The following IQCM variants were observed in gnomAD, a reference collection of about 807,000 sequenced individuals.
The protein encoded by IQCM is IQ domain-containing protein M.
In IQCM, 45 loss-of-function variants were observed where a neutral mutation model predicts 57.6. The ratio of observed to expected loss-of-function variants is 0.78; its 90% CI spans 0.62 to 1.00. The LOEUF (loss-of-function observed/expected upper bound fraction) is 1.00. Among genes scored for constraint, IQCM ranks in the 50% least tolerant of loss-of-function variants. The probability of loss-of-function intolerance (pLI) is 0.00; values close to 1 mark genes in which losing one functional copy is unlikely to be tolerated. For missense variants in IQCM, 468 were observed against 511.6 expected (o/e 0.91, Z 0.82); for synonymous variants, 148 against 158.9 (o/e 0.93, Z 0.51).
At chr4:149,399,087 C>T (rs902438393) in intron 13 of IQCM, among the ~76,000 whole-genome samples, 14 of 151,982 alleles carry the variant, frequency 9.2e-5, no homozygotes, top group African/African-American at 3.4e-4. Flanking sequence ...TTTGCTGTTA[C>T]AAATAATGAC....
chr4:149,493,856 G>A (rs1485413494), intron 12 of IQCM, among the ~76,000 whole-genome samples: 1 of 148,516 alleles, frequency 6.7e-6, no homozygotes, highest in African/African-American at 2.5e-5. Context: ...TAGTTGGGAG[G>A]ACTACAGGGA....
chr4:149,744,447 G>A (rs374497731), intron 2 of IQCM, among the ~76,000 whole-genome samples: 5 of 152,244 alleles, frequency 3.3e-5, no homozygotes, highest in South Asian at 4.1e-4. Flanking sequence ...TCTTCTCTGG[G>A]TCTGTTGGCT....
chr4:149,461,591 C>G (rs1433024924), intron 12 of IQCM, among the ~76,000 whole-genome samples: 1 of 149,592 alleles, frequency 6.7e-6, no homozygotes, highest in Non-Finnish European at 1.5e-5. Context: ...GAGGTCGAGG[C>G]TGCCATGAGC....
At chr4:149,659,684 A>C (rs1049409661) in intron 7 of IQCM, among the ~76,000 whole-genome samples, 2 of 152,194 alleles carry the variant, frequency 1.3e-5, no homozygotes, top group Admixed American at 1.3e-4. Flanking sequence ...CCGCATATCT[A>C]CAACTGTCTG....
intron 7 of IQCM, among the ~76,000 whole-genome samples, chr4:149,655,037 A>G (rs912884123): frequency 1.3e-5 from 2 of 152,162 alleles, no homozygotes; most frequent in Admixed American, 6.6e-5. Context: ...CTCACATTTC[A>G]TTTCTATTAT....
chr4:149,637,647 T>C (rs1394629374), intron 7 of IQCM, among the ~76,000 whole-genome samples: 1 of 152,178 alleles, frequency 6.6e-6, no homozygotes, highest in East Asian at 1.9e-4. Flanking sequence ...AGCTACAGTA[T>C]TAAGATAATA....
intron 5 of IQCM, among the ~76,000 whole-genome samples, chr4:149,723,687 G>C (rs1765642847): frequency 6.6e-6 from 1 of 151,954 alleles, no homozygotes; most frequent in African/African-American, 2.4e-5. Context: ...GATTCAGTTT[G>C]CTAGTGTTTT....
chr4:149,597,466 C>T (rs1753887672), intron 8 of IQCM, among the ~76,000 whole-genome samples: 1 of 152,146 alleles, frequency 6.6e-6, no homozygotes, highest in Non-Finnish European at 1.5e-5. Flanking sequence ...TCTCAGCTCA[C>T]TACAACCTCC....
chr4:149,477,628 G>A (rs928856574), intron 12 of IQCM, among the ~76,000 whole-genome samples: 1 of 152,154 alleles, frequency 6.6e-6, no homozygotes, highest in Non-Finnish European at 1.5e-5. Flanking sequence ...AATGGAGCAG[G>A]TATGTGTAAT....
intron 2 of IQCM, among the ~76,000 whole-genome samples, chr4:149,750,726 A>G (rs1484155175): frequency 1.3e-5 from 2 of 152,220 alleles, no homozygotes; most frequent in Non-Finnish European, 2.9e-5. Context: ...TATAAATAAC[A>G]ATAAAGAGAG....
chr4:149,462,370 T>A (rs972585900), intron 12 of IQCM, among the ~76,000 whole-genome samples: 12 of 152,134 alleles, frequency 7.9e-5, no homozygotes, highest in Non-Finnish European at 1.6e-4. Context: ...AAAATAATGA[T>A]AAATAACTAC....
At chr4:149,598,211 A>C (rs889560652) in intron 8 of IQCM, among the ~76,000 whole-genome samples, 10 of 152,214 alleles carry the variant, frequency 6.6e-5, no homozygotes, top group Admixed American at 6.5e-4. Flanking sequence ...ATAATTGGGA[A>C]GCATATAGAT....
At chr4:149,495,053 AG>A (rs756968298) in intron 12 of IQCM, among the ~76,000 whole-genome samples, 1 of 152,042 alleles carries the variant, frequency 6.6e-6, no homozygotes, top group Non-Finnish European at 1.5e-5. Context: ...AGTAAGAAAA[AG>A]GTAGAGATAA....
intron 9 of IQCM, among the ~76,000 whole-genome samples, chr4:149,586,441 C>A (rs1452780568): frequency 1.3e-5 from 2 of 151,666 alleles, no homozygotes; most frequent in Middle Eastern, 3.4e-3. Context: ...ATAGGATATA[C>A]AATTATGCCC....
At chr4:149,419,252 C>A (rs1733961870) in intron 13 of IQCM, among the ~76,000 whole-genome samples, 1 of 152,042 alleles carries the variant, frequency 6.6e-6, no homozygotes, top group Non-Finnish European at 1.5e-5. Flanking sequence ...TACCACAAAA[C>A]CACAATAACC....
At chr4:149,506,673 G>T (rs1341288216) in intron 12 of IQCM, among the ~76,000 whole-genome samples, 5 of 152,218 alleles carry the variant, frequency 3.3e-5, no homozygotes, top group Non-Finnish European at 7.3e-5. Context: ...GTTGCTGGAG[G>T]TAGTAGTGTT....
intron 12 of IQCM, among the ~76,000 whole-genome samples, chr4:149,504,597 C>A (rs923057510): frequency 9.2e-5 from 14 of 151,994 alleles, no homozygotes; most frequent in African/African-American, 3.4e-4. Context: ...AGAACTCTCA[C>A]GAATGAGATT....
At chr4:149,591,336 AT>A (rs1322199774) in intron 8 of IQCM, among the ~76,000 whole-genome samples, 1 of 151,978 alleles carries the variant, frequency 6.6e-6, no homozygotes, top group Non-Finnish European at 1.5e-5. Flanking sequence ...TTAGCCTTCA[AT>A]TTTTGCATCT....
At chr4:149,792,788 TG>T (rs919602396) in intron 2 of IQCM, among the ~76,000 whole-genome samples, 23 of 152,114 alleles carry the variant, frequency 1.5e-4, no homozygotes, top group Middle Eastern at 3.2e-3. Context: ...TTAAACCAAG[TG>T]ATGGAAAATA....
Sources: allele counts gnomAD v4.1 joint callset (sites outside exome capture counted in the v4.1 genomes callset), GRCh38; gene constraint gnomAD v4.1.1; transcripts MANE v1.5; gene names NCBI Gene and HGNC (gene_info 2026-07-23, HGNC 2026-07-21).